Variants in NLGN1 observed in about 807,000 individuals in gnomAD.
NLGN1 encodes neuroligin 1, also known as neuroligin-1.
Under a neutral mutation model 65.5 loss-of-function variants are expected in NLGN1, and 12 were observed. That is an observed-to-expected ratio of 0.18 (90% CI 0.12 to 0.30). The LOEUF is 0.30. Ranked by LOEUF, NLGN1 falls within the 10% of genes least tolerant of loss-of-function variation. The probability of loss-of-function intolerance (pLI) is 1.00; values close to 1 mark genes in which losing one functional copy is unlikely to be tolerated. For missense variants in NLGN1, 750 were observed against 1,007.1 expected (o/e 0.74, Z 3.46); for synonymous variants, 350 against 359.5 (o/e 0.97, Z 0.30).
chr3:173,959,673 T>C (rs1386729873), intron 4 of NLGN1, among the ~76,000 whole-genome samples: 4 of 152,220 alleles, frequency 2.6e-5, no homozygotes. Context: ...TACTATGTCA[T>C]TTAATTTAAG....
chr3:173,906,533 A>G (rs979724534), intron 4 of NLGN1, among the ~76,000 whole-genome samples: 7 of 152,122 alleles, frequency 4.6e-5, no homozygotes, highest in African/African-American at 1.7e-4. Context: ...TAATCAACCC[A>G]TCACATTTTT....
At chr3:174,291,566 A>G (rs1752765152), downstream of NLGN1, among the ~76,000 whole-genome samples, 1 of 151,292 alleles carries the variant, frequency 6.6e-6, no homozygotes, top group Admixed American at 6.6e-5. Flanking sequence ...TTCAAAGACA[A>G]CGCTTTATGC....
chr3:173,425,329 G>GT (rs906431892), intron 1 of NLGN1, among the ~76,000 whole-genome samples: 7 of 150,084 alleles, frequency 4.7e-5, no homozygotes, highest in African/African-American at 1.2e-4. Context: ...CACTCTATTG[G>GT]TTTTTTTCTT....
chr3:173,773,372 A>C (rs1433167245), intron 3 of NLGN1, among the ~76,000 whole-genome samples: 1 of 152,184 alleles, frequency 6.6e-6, no homozygotes, highest in African/African-American at 2.4e-5. Flanking sequence ...TGAGCATTGG[A>C]CTAAGTTCAC....
At chr3:173,405,391 AT>A (rs1325087778) in intron 1 of NLGN1, among the ~76,000 whole-genome samples, 7 of 152,028 alleles carry the variant, frequency 4.6e-5, no homozygotes, top group Admixed American at 4.6e-4. Context: ...ATTTTCACAT[AT>A]ATAGTCTATG....
chr3:174,241,189 T>TGAA (rs1189274982), intron 4 of NLGN1, among the ~76,000 whole-genome samples: 1 of 152,210 alleles, frequency 6.6e-6, no homozygotes, highest in Non-Finnish European at 1.5e-5. Context: ...TCATTTTAAC[T>TGAA]GCTAGGAAAT....
chr3:173,494,525 T>A (rs1244186423), intron 2 of NLGN1, among the ~76,000 whole-genome samples: 2 of 151,742 alleles, frequency 1.3e-5, no homozygotes, highest in African/African-American at 4.9e-5. Context: ...TTTCAAAGAT[T>A]AGAATTTTTT....
At chr3:173,614,647 AG>A (rs2149481928) in intron 3 of NLGN1, among the ~76,000 whole-genome samples, 1 of 152,202 alleles carries the variant, frequency 6.6e-6, no homozygotes, top group South Asian at 2.1e-4. Flanking sequence ...CCTCCAAGCT[AG>A]GCAGCCAAGC....
intron 4 of NLGN1, among the ~76,000 whole-genome samples, chr3:173,954,630 C>A (rs994003272): frequency 6.6e-6 from 1 of 152,114 alleles, no homozygotes; most frequent in Admixed American, 6.6e-5. Context: ...AACCAATGTA[C>A]TTCTGAGGCA....
intron 4 of NLGN1, among the ~76,000 whole-genome samples, chr3:174,144,274 C>T (rs995629981): frequency 3.3e-5 from 5 of 152,170 alleles, no homozygotes; most frequent in African/African-American, 1.2e-4. Context: ...CATAGTATTC[C>T]ATGGTGTATA....
chr3:173,443,346 A>C (rs906658644), intron 2 of NLGN1, among the ~76,000 whole-genome samples: 14 of 148,746 alleles, frequency 9.4e-5, no homozygotes, highest in Non-Finnish European at 2.1e-4. Context: ...CTATGACTAT[A>C]TATATAGTCA....
intron 3 of NLGN1, among the ~76,000 whole-genome samples, chr3:173,697,121 A>G (rs1766338548): frequency 6.6e-6 from 1 of 152,212 alleles, no homozygotes; most frequent in African/African-American, 2.4e-5. Flanking sequence ...TGAAAGTTAA[A>G]TGTTTCTTTC....
intron 4 of NLGN1, among the ~76,000 whole-genome samples, chr3:173,879,573 G>C (rs941233816): frequency 6.6e-6 from 1 of 151,400 alleles, no homozygotes; most frequent in Non-Finnish European, 1.5e-5. Context: ...CAACATGTGG[G>C]TCACTTTAGA....
chr3:173,750,405 T>G (rs924697662), intron 3 of NLGN1, among the ~76,000 whole-genome samples: 1 of 152,116 alleles, frequency 6.6e-6, no homozygotes, highest in Non-Finnish European at 1.5e-5. Context: ...AGTATGTCAC[T>G]GAATTACATC....
At chr3:173,860,216 A>G (rs1401768410) in intron 4 of NLGN1, among the ~76,000 whole-genome samples, 3 of 152,000 alleles carry the variant, frequency 2.0e-5, no homozygotes, top group African/African-American at 7.2e-5. Context: ...TTCCAAAAAT[A>G]CTGTTTTACA....
chr3:174,176,911 A>T (rs1160909228), intron 4 of NLGN1, among the ~76,000 whole-genome samples: 1 of 151,976 alleles, frequency 6.6e-6, no homozygotes. Flanking sequence ...AATGACTCTG[A>T]GTTAATCTAC....
chr3:173,490,812 C>T (rs1326806845), intron 2 of NLGN1, among the ~76,000 whole-genome samples: 1 of 152,028 alleles, frequency 6.6e-6, no homozygotes, highest in Non-Finnish European at 1.5e-5. Flanking sequence ...TCCTTCACAT[C>T]CCTTGTAAGT....
intron 3 of NLGN1, among the ~76,000 whole-genome samples, chr3:173,655,156 A>C (rs1480870662): frequency 6.6e-6 from 1 of 152,174 alleles, no homozygotes; most frequent in African/African-American, 2.4e-5. Context: ...TCAGAAGGGG[A>C]AAAGCTAAAT....
At chr3:173,789,153 C>G (rs567841956) in intron 3 of NLGN1, among the ~76,000 whole-genome samples, 2 of 150,712 alleles carry the variant, frequency 1.3e-5, no homozygotes, top group African/African-American at 4.9e-5. Context: ...GAGCTGAGAT[C>G]GCGCCACTGC....
Sources: gnomAD v4.1 joint callset for allele counts (sites outside exome capture counted in the v4.1 genomes callset) on GRCh38, gnomAD v4.1.1 for gene constraint, MANE v1.5 for transcripts, NCBI Gene and HGNC (gene_info 2026-07-23, HGNC 2026-07-21) for gene names.